Variants in ZNF536 observed in about 807,000 individuals in gnomAD.
ZNF536 encodes the protein zinc finger protein 536.
Under a neutral mutation model 84.5 loss-of-function variants are expected in ZNF536, and 13 were observed. The ratio of observed to expected loss-of-function variants is 0.15; its 90% CI spans 0.10 to 0.24. The LOEUF (loss-of-function observed/expected upper bound fraction) is 0.24. ZNF536 is among the 10% of genes least tolerant of loss of function. The pLI is 1.00. For synonymous variants in ZNF536, 811 were observed against 742.5 expected (o/e 1.09, Z -1.50); for missense variants, 1,536 against 1,747.5 (o/e 0.88, Z 2.16).
In ZNF536 at chr19:30,499,240, C is replaced by G. The variant is rs1048057550; in HGVS notation, c.2171-35607C>G. Among the ~76,000 whole-genome samples the G allele has an allele frequency of 3.3e-4, 49 of 149,926 alleles. 1 individual carries two copies. In the Admixed American group the frequency reaches 3.3e-3, roughly 10 times the overall value. On this transcript the variant is annotated intron_variant, in intron 2 of 4. Transcript: ENST00000355537. ...ACAGTATCTGCTCTTTTTTGAGGGC[C>G]TATCTGTTCAGATAAAAGAAGTATT...
chr19:30,387,742 T>A (rs1277248324), intron 1 of ZNF536, among the ~76,000 whole-genome samples: 1 of 152,218 alleles, frequency 6.6e-6, no homozygotes, highest in Non-Finnish European at 1.5e-5. Context: ...GGGACCTGGC[T>A]GGAAGGCAGG....
intron 3 of ZNF536, among the ~76,000 whole-genome samples, chr19:30,539,428 C>T (rs1011362835): frequency 1.7e-4 from 26 of 152,308 alleles, no homozygotes; most frequent in African/African-American, 3.9e-4. Context: ...CCCATTCAAA[C>T]GTTCATCTCA....
upstream of ZNF536, among the ~76,000 whole-genome samples, chr19:30,369,082 C>T (rs759204182): frequency 8.5e-5 from 13 of 152,196 alleles, no homozygotes; most frequent in Admixed American, 2.6e-4. Context: ...GCCACACTAC[C>T]TTGCTTGCCT....
intron 3 of ZNF536, 54 bp from the exon 4 acceptor site, chr19:30,547,889 G>T: frequency 6.6e-7 from 1 of 1,506,520 alleles, no homozygotes; most frequent in Non-Finnish European, 8.9e-7. Context: ...GCCTCGTTCA[G>T]CACACCAAAA....
At chr19:30,476,655 C>T (rs2053857955) in intron 2 of ZNF536, among the ~76,000 whole-genome samples, 1 of 152,338 alleles carries the variant, frequency 6.6e-6, no homozygotes, top group Middle Eastern at 3.4e-3. Context: ...TGGCTCACGG[C>T]CGCTTAGGCT....
At chr19:30,569,396 T>C (rs141914044) in intron 1 of ZNF536, among the ~76,000 whole-genome samples, 1 of 151,926 alleles carries the variant, frequency 6.6e-6, no homozygotes, top group Non-Finnish European at 1.5e-5. Flanking sequence ...TCCTCCATTC[T>C]CCTTTGCCAC....
chr19:30,581,439 T>A (rs1379448758), intron 1 of ZNF536, among the ~76,000 whole-genome samples: 1 of 152,126 alleles, frequency 6.6e-6, no homozygotes, highest in Non-Finnish European at 1.5e-5. Flanking sequence ...ATTGTGCCAC[T>A]GCATTCCAGC....
chr19:30,623,662 T>C (rs77794817), intron 1 of ZNF536, among the ~76,000 whole-genome samples: 4,572 of 152,292 alleles, frequency 0.03, 251 homozygotes, highest in African/African-American at 0.1. Context: ...TGTTCCACTG[T>C]AGCCTCTCAG....
chr19:30,484,700 T>C (rs2144947549), intron 2 of ZNF536, among the ~76,000 whole-genome samples: 1 of 149,620 alleles, frequency 6.7e-6, no homozygotes, highest in Middle Eastern at 3.4e-3. Context: ...TTTTTTTTTG[T>C]CTTCTCTTGA....
intron 2 of ZNF536, among the ~76,000 whole-genome samples, chr19:30,508,949 T>C (rs908584566): frequency 2.1e-5 from 3 of 142,400 alleles, no homozygotes; most frequent in East Asian, 4.7e-4. Flanking sequence ...CACCTTAACC[T>C]CCCAAGTATC....
chr19:30,636,369 C>A (rs2049065091), intron 1 of ZNF536, among the ~76,000 whole-genome samples: 1 of 152,158 alleles, frequency 6.6e-6, no homozygotes, highest in Non-Finnish European at 1.5e-5. Context: ...TGTCCTGGCT[C>A]CACTGTGGCT....
intron 2 of ZNF536, among the ~76,000 whole-genome samples, chr19:30,453,085 G>C (rs566697942): frequency 6.6e-6 from 1 of 152,254 alleles, no homozygotes; most frequent in South Asian, 2.1e-4. Context: ...TGGCAGGATG[G>C]GGCGATGGCA....
rs1194983334 is a variant in ZNF536 at position 30,557,178 on chromosome 19, A to G, written c.*14A>G. The G allele has an allele frequency of 6.2e-7, 1 of 1,613,560 alleles. No homozygotes were observed. The highest frequency in any genetic ancestry group is 2.2e-5 in the East Asian group (1 of 44,860). On this transcript the variant is annotated 3_prime_UTR_variant, in exon 5 of 5. Transcript: ENST00000355537. ...GCAGGTAAGTGACACTCCCTGTCCT[A>G]GTCGGTCTATCTGGACTTGCCCTTG...
chr19:30,363,040 C>T (rs893541820), intron 3 of ZNF536, among the ~76,000 whole-genome samples: 5 of 151,342 alleles, frequency 3.3e-5, no homozygotes, highest in East Asian at 3.9e-4. Context: ...GCCTGGGCAA[C>T]GCAGCGAGAC....
intron 1 of ZNF536, among the ~76,000 whole-genome samples, chr19:30,566,749 G>A (rs545160165): frequency 2.9e-4 from 44 of 151,578 alleles, no homozygotes; most frequent in Admixed American, 5.3e-4. Context: ...GAGGTTCCTG[G>A]GAGTGGCCTC....
At chr19:30,704,094 G>C (rs2052115425) in intron 1 of ZNF536, among the ~76,000 whole-genome samples, 1 of 152,270 alleles carries the variant, frequency 6.6e-6, no homozygotes, top group Middle Eastern at 3.4e-3. Flanking sequence ...CTGGAGTGTG[G>C]TGCTTCTTAG....
intron 1 of ZNF536, among the ~76,000 whole-genome samples, chr19:30,630,527 C>G (rs371408577): frequency 1.3e-5 from 2 of 152,152 alleles, no homozygotes; most frequent in Non-Finnish European, 2.9e-5. Context: ...AAGGAGACCC[C>G]GGGCAGGAAC....
At chr19:30,494,666 G>A (rs540509508) in intron 2 of ZNF536, among the ~76,000 whole-genome samples, 30 of 152,104 alleles carry the variant, frequency 2.0e-4, no homozygotes, top group Non-Finnish European at 4.4e-5. Context: ...CTTTTTGAGG[G>A]TATTTCAGAA....
At chr19:30,676,386 A>G (rs1395145228) in intron 1 of ZNF536, among the ~76,000 whole-genome samples, 1 of 152,194 alleles carries the variant, frequency 6.6e-6, no homozygotes, top group Non-Finnish European at 1.5e-5. Context: ...GCCCCTTGTC[A>G]ACATTGTAGG....
Sources: allele counts gnomAD v4.1 joint callset (sites outside exome capture counted in the v4.1 genomes callset), GRCh38; gene constraint gnomAD v4.1.1; transcripts MANE v1.5; gene names NCBI Gene and HGNC (gene_info 2026-07-23, HGNC 2026-07-21).